BRWD1: variants seen among roughly 807,000 people sequenced by gnomAD.
BRWD1 encodes bromodomain and WD repeat domain containing 1.
A neutral mutation model predicts 251.2 loss-of-function variants in BRWD1; 82 were observed. The ratio of observed to expected loss-of-function variants is 0.33; its 90% CI spans 0.27 to 0.39. The LOEUF is 0.39. Ranked by LOEUF, BRWD1 falls within the 10% of genes least tolerant of loss-of-function variation. BRWD1 has a pLI of 1.00. For missense variants in BRWD1, 2,233 were observed against 2,711.6 expected (o/e 0.82, Z 3.92); for synonymous variants, 918 against 902.8 (o/e 1.02, Z -0.30).
intron 17 of BRWD1, among the ~76,000 whole-genome samples, chr21:39,261,383 G>A (rs987457545): frequency 6.6e-6 from 1 of 152,178 alleles, no homozygotes; most frequent in Non-Finnish European, 1.5e-5. Flanking sequence ...CACAGCAGAA[G>A]TGCTTTACGT....
At chr21:39,296,173 T>C in intron 6 of BRWD1, 92 bp downstream of exon 6, 1 of 1,047,480 alleles carries the variant, frequency 9.5e-7, no homozygotes, top group Non-Finnish European at 1.3e-6. Context: ...TCAACCAGTA[T>C]TTCCTTTTAA....
At position 39,185,663 on chromosome 21, in the gene BRWD1, C is replaced by A. The variant is rs1397457294; in HGVS notation, c.*10596G>T. ...CCTTTTTTTTAAAACAGACATGCAA[C>A]CACAAATTTCTCAAGTATTTTAGAC... is the stretch of plus-strand genomic sequence containing the variant. On this transcript the variant is annotated 3_prime_UTR_variant, in exon 41 of 41. Transcript: ENST00000342449. 1.3e-5 allele frequency: 2 copies of A among 150,894 alleles called. No individual in the cohort carries two copies. The highest frequency in any genetic ancestry group is 3.0e-5 in the Non-Finnish European group (2 of 67,762). The allele number at this position is 150,894 out of a possible 1,614,324, so 9.3% of individuals were successfully genotyped here. A position where few individuals can be genotyped will look rare whatever the true frequency, so the allele number is the denominator to read the frequency against.
chr21:39,281,921 C>T (rs975831158), intron 8 of BRWD1, among the ~76,000 whole-genome samples: 19 of 73,578 alleles, frequency 2.6e-4, no homozygotes, highest in East Asian at 4.2e-4. Context: ...TATATATATA[C>T]GTATACATAC....
rs1312028095 is a variant in BRWD1 at position 39,186,735 on chromosome 21, G to A, written c.*9524C>T. ...TTATATTCTTCCTCTAAGGAATCAT[G>A]TCTTCAAGGCCTTGCATTCTGGAAA... On this transcript the variant is annotated 3_prime_UTR_variant, in exon 41 of 41. Transcript: ENST00000342449. 4.2e-6 allele frequency: 1 copy of A among 239,328 alleles called. No homozygotes were observed. Among genetic ancestry groups the A allele is most frequent in the Non-Finnish European group, 7.9e-6 (1 of 126,810 alleles). The allele number at this position is 239,328 out of a possible 1,614,324, so 14.8% of individuals were successfully genotyped here.
At chr21:39,271,469 A>G (rs940864563) in intron 13 of BRWD1, among the ~76,000 whole-genome samples, 3 of 151,394 alleles carry the variant, frequency 2.0e-5, no homozygotes, top group Non-Finnish European at 4.4e-5. Flanking sequence ...GCAGGCGGAT[A>G]ACGAGGTCAG....
In BRWD1 at chr21:39,191,071, C is replaced by T; in HGVS notation, c.*5188G>A. On this transcript the variant is annotated 3_prime_UTR_variant, in exon 41 of 41. Transcript: ENST00000342449. ...AATTCAGGGACTTTATACTTAACTG[C>T]TTAATTTGCTTTTTAGAAGCAATAC... 2 of 985,284 alleles carry T rather than the reference C, an allele frequency of 2.0e-6. No individual in the cohort carries two copies. Among genetic ancestry groups the T allele is most frequent in the Non-Finnish European group, 2.4e-6 (2 of 829,844 alleles). The allele number at this position is 985,284 out of a possible 1,614,324, so 61.0% of individuals were successfully genotyped here.
intron 5 of BRWD1, chr21:39,296,883 A>T: frequency 2.0e-6 from 2 of 982,682 alleles, no homozygotes; most frequent in Non-Finnish European, 2.4e-6. Flanking sequence ...AAGCTTTTAT[A>T]AGGAAAAAGT....
At chr21:39,288,514 G>T (rs1185513935) in intron 8 of BRWD1, among the ~76,000 whole-genome samples, 1 of 151,934 alleles carries the variant, frequency 6.6e-6, no homozygotes, top group Non-Finnish European at 1.5e-5. Context: ...TTGATGTATG[G>T]ATTATTTAGA....
chr21:39,264,325 C>A (rs1255678571), intron 17 of BRWD1, 135 bp downstream of exon 17: 4 of 601,216 alleles, frequency 6.7e-6, no homozygotes, highest in Non-Finnish European at 1.0e-5. Flanking sequence ...AAACAATACA[C>A]AGAAAAAAAA....
intron 20 of BRWD1, among the ~76,000 whole-genome samples, chr21:39,249,115 A>G (rs1384570059): frequency 6.6e-6 from 1 of 152,246 alleles, no homozygotes; most frequent in Non-Finnish European, 1.5e-5. Flanking sequence ...ACATCAGAAT[A>G]GAAAACCAAG....
chr21:39,228,011 T>A (rs2033451767), intron 27 of BRWD1, among the ~76,000 whole-genome samples: 1 of 152,130 alleles, frequency 6.6e-6, no homozygotes, highest in Admixed American at 6.5e-5. Flanking sequence ...ATAATAGGGC[T>A]GGGCACGGTG....
In BRWD1 at chr21:39,195,791, T is replaced by A. The variant is rs1454649359; in HGVS notation, c.*468A>T. 4.1e-6 allele frequency: 4 copies of A among 985,536 alleles called. No individual in the cohort carries two copies. The highest frequency in any genetic ancestry group is 3.6e-6 in the Non-Finnish European group (3 of 829,972). 61.0% of individuals were successfully genotyped at this position (985,536 alleles called of 1,614,324 possible). A position where few individuals can be genotyped will look rare whatever the true frequency, so the allele number is the denominator to read the frequency against. On this transcript the variant is annotated 3_prime_UTR_variant, in exon 41 of 41. Transcript: ENST00000342449. Reference sequence around the variant, plus strand: ...CTCGCCTACTAATCATGGTTACACCTCCCATGATTATAGTGTCAGTATGCA... The same window carrying A: ...CTCGCCTACTAATCATGGTTACACCACCCATGATTATAGTGTCAGTATGCA...
chr21:39,282,471 T>A (rs1157784334), intron 8 of BRWD1, among the ~76,000 whole-genome samples: 1 of 152,218 alleles, frequency 6.6e-6, no homozygotes, highest in Non-Finnish European at 1.5e-5. Flanking sequence ...GTAGTATAAT[T>A]AAAGTTATAT....
At position 39,274,331 on chromosome 21, in the gene BRWD1, T is replaced by G. The variant is rs751036366; in HGVS notation, c.1244+43A>C. On this transcript the variant is annotated intron_variant, in intron 13 of 40. Coordinates refer to ENST00000342449, the MANE Select transcript of BRWD1 (RefSeq NM_033656.4). ...AGAGAGAGAGAGAGAGAGAGACAGATCGAACACCTATGATGCACCTACTTC... is the reference window on the plus strand; with the variant it reads ...AGAGAGAGAGAGAGAGAGAGACAGAGCGAACACCTATGATGCACCTACTTC... The G allele has an allele frequency of 2.1e-6, 3 of 1,423,576 alleles. No homozygotes were observed. In the Admixed American group the frequency reaches 5.0e-5, roughly 24 times the overall value. The allele number at this position is 1,423,576 out of a possible 1,614,324, so 88.2% of individuals were successfully genotyped here.
In BRWD1 at chr21:39,188,490, T is replaced by C; in HGVS notation, c.*7769A>G. On this transcript the variant is annotated 3_prime_UTR_variant, in exon 41 of 41. Coordinates refer to ENST00000342449, the MANE Select transcript of BRWD1 (RefSeq NM_033656.4). ...AGTCAGATACTATCAAGTAACACTA[T>C]TATTCTGTAGCAATGAAACCACCAA... 3.0e-6 allele frequency: 3 copies of C among 985,416 alleles called. No individual in the cohort carries two copies. Among genetic ancestry groups the C allele is most frequent in the Non-Finnish European group, 3.6e-6 (3 of 829,900 alleles). 61.0% of individuals were successfully genotyped at this position (985,416 alleles called of 1,614,324 possible). A position where few individuals can be genotyped will look rare whatever the true frequency, so the allele number is the denominator to read the frequency against.
At chr21:39,293,423 G>A (rs147116455) in intron 8 of BRWD1, among the ~76,000 whole-genome samples, 67 of 151,502 alleles carry the variant, frequency 4.4e-4, no homozygotes, top group African/African-American at 1.4e-3. Flanking sequence ...AACCCAGGAG[G>A]CAGAGGTTGC....
rs370369401 is a variant in BRWD1, at chr21:39,218,487, A to G, written c.3538+18T>C. The G allele has an allele frequency of 1.2e-4, 187 of 1,557,356 alleles. No homozygotes were observed. Among genetic ancestry groups the G allele is most frequent in the Non-Finnish European group, 1.5e-4 (169 of 1,159,904 alleles). On this transcript the variant is annotated intron_variant, in intron 30 of 40. Coordinates refer to ENST00000342449, the MANE Select transcript of BRWD1 (RefSeq NM_033656.4). ...AATTGAAAAAAAAACTTTTCATCCT[A>G]AAAAATAAAAAACTTACCAAGATTC...
At chr21:39,284,383 G>A (rs1403908022) in intron 8 of BRWD1, among the ~76,000 whole-genome samples, 1 of 152,180 alleles carries the variant, frequency 6.6e-6, no homozygotes, top group Admixed American at 6.5e-5. Context: ...GAAGGCTGAG[G>A]CAGGAGGATG....
At chr21:39,283,058 T>G (rs2035523168) in intron 8 of BRWD1, among the ~76,000 whole-genome samples, 1 of 152,192 alleles carries the variant, frequency 6.6e-6, no homozygotes, top group Non-Finnish European at 1.5e-5. Context: ...ATAAGCAATT[T>G]GTAGCTATTT....
Sources: allele counts gnomAD v4.1 joint callset (sites outside exome capture counted in the v4.1 genomes callset), GRCh38; gene constraint gnomAD v4.1.1; transcripts MANE v1.5; gene names NCBI Gene and HGNC (gene_info 2026-07-23, HGNC 2026-07-21).